Variants in CTDP1 observed in about 807,000 individuals in gnomAD.
CTDP1 encodes the protein CTD phosphatase 1, also known as RNA polymerase II subunit A C-terminal domain phosphatase.
CTDP1 carries 47 observed loss-of-function variants against 91.8 expected under a neutral mutation model. The ratio of observed to expected loss-of-function variants is 0.51; its 90% CI spans 0.41 to 0.65. The LOEUF (loss-of-function observed/expected upper bound fraction) is 0.65, where lower values mean the gene tolerates loss of function less well. CTDP1 is among the 30% of genes least tolerant of loss of function. CTDP1 has a pLI of 0.00. For missense variants in CTDP1, 1,272 were observed against 1,373.7 expected (o/e 0.93, Z 1.17); for synonymous variants, 656 against 598.5 (o/e 1.10, Z -1.40).
chr18:79,711,515 C>T (rs996749010), intron 6 of CTDP1, among the ~76,000 whole-genome samples: 6 of 152,122 alleles, frequency 3.9e-5, no homozygotes, highest in South Asian at 4.1e-4. Context: ...CGAAAGGACC[C>T]GAGTGGGCAG....
chr18:79,681,481 T>C, intron 1 of CTDP1: 1 of 985,434 alleles, frequency 1.0e-6, no homozygotes, highest in Non-Finnish European at 1.2e-6. Context: ...ATTCTGTTCC[T>C]CTGATTGTAC....
chr18:79,705,882 A>G (rs1192747839), intron 5 of CTDP1, among the ~76,000 whole-genome samples: 1 of 152,208 alleles, frequency 6.6e-6, no homozygotes, highest in Non-Finnish European at 1.5e-5. Flanking sequence ...TGAAATATTC[A>G]CCTGTAACAT....
intron 4 of CTDP1, among the ~76,000 whole-genome samples, chr18:79,704,299 C>G (rs1257495257): frequency 6.6e-6 from 1 of 152,196 alleles, no homozygotes; most frequent in African/African-American, 2.4e-5. Context: ...TGTGCACACT[C>G]CTATCCCCTG....
chr18:79,696,549 A>G (rs1364907659), intron 3 of CTDP1, among the ~76,000 whole-genome samples: 1 of 152,026 alleles, frequency 6.6e-6, no homozygotes, highest in Non-Finnish European at 1.5e-5. Flanking sequence ...GGTTGGTAGC[A>G]CCTTGTTGGC....
intron 12 of CTDP1, among the ~76,000 whole-genome samples, chr18:79,737,418 T>C (rs1190391261): frequency 1.3e-5 from 2 of 152,198 alleles, no homozygotes; most frequent in Admixed American, 6.5e-5. Context: ...ATTTATTTTT[T>C]AGTAAGGGGG....
At chr18:79,714,160 A>G (rs150429778) in intron 7 of CTDP1, among the ~76,000 whole-genome samples, 2 of 152,246 alleles carry the variant, frequency 1.3e-5, no homozygotes, top group African/African-American at 4.8e-5. Context: ...TCCTCCCCCA[A>G]ATCCAAAGCT....
intron 1 of CTDP1, among the ~76,000 whole-genome samples, chr18:79,685,763 C>T (rs2085481250): frequency 6.6e-6 from 1 of 152,128 alleles, no homozygotes; most frequent in South Asian, 2.1e-4. Context: ...AGTCAGTGCA[C>T]GAACGTCGTC....
intron 5 of CTDP1, among the ~76,000 whole-genome samples, chr18:79,706,666 T>G (rs943989932): frequency 2.6e-5 from 4 of 152,256 alleles, no homozygotes; most frequent in Non-Finnish European, 5.9e-5. Flanking sequence ...TCCATCACGT[T>G]GTTATAAATC....
At chr18:79,755,881 C>T, downstream of CTDP1, 1 of 152,708 alleles carries the variant, frequency 6.5e-6, no homozygotes, top group Non-Finnish European at 1.5e-5. Context: ...CTGCGCGGGG[C>T]CTGGTGACGG....
chr18:79,698,364 C>T (rs2085789427), intron 4 of CTDP1, among the ~76,000 whole-genome samples: 1 of 151,920 alleles, frequency 6.6e-6, no homozygotes, highest in Non-Finnish European at 1.5e-5. Context: ...GTGTTGGATG[C>T]CTTTATGTTG....
chr18:79,693,012 G>A (rs567775697), intron 1 of CTDP1, among the ~76,000 whole-genome samples: 2 of 152,344 alleles, frequency 1.3e-5, no homozygotes, highest in Non-Finnish European at 2.9e-5. Flanking sequence ...GAGCCCTGTG[G>A]ATGGACGAAA....
At chr18:79,711,824 T>C (rs981056393) in intron 6 of CTDP1, among the ~76,000 whole-genome samples, 1 of 152,222 alleles carries the variant, frequency 6.6e-6, no homozygotes, top group Non-Finnish European at 1.5e-5. Context: ...TTTTTAATAT[T>C]CTTTTATATG....
In CTDP1 at chr18:79,698,001, A is replaced by C; in HGVS notation, c.621+13A>C. ...GATGTCGAATAAAGTGAGTGCAGTC[A>C]GCATCTACGGACAGTTTCCCAGGAA... On this transcript the variant is annotated intron_variant, in intron 4 of 12. Transcript: ENST00000613122. 1 of 1,614,198 alleles carries C rather than the reference A, an allele frequency of 6.2e-7. No homozygotes were observed. The highest frequency in any genetic ancestry group is 8.5e-7 in the Non-Finnish European group (1 of 1,180,016).
chr18:79,677,363 G>C (rs2085267552), upstream of CTDP1: 1 of 152,312 alleles, frequency 6.6e-6, no homozygotes. Flanking sequence ...GGCTCAGAGA[G>C]ACTCCAGTGC....
intron 10 of CTDP1, among the ~76,000 whole-genome samples, chr18:79,719,047 C>T (rs948999143): frequency 2.6e-5 from 4 of 152,230 alleles, no homozygotes; most frequent in African/African-American, 9.6e-5. Flanking sequence ...AGGGCGTGGC[C>T]TTCGCACAGT....
chr18:79,739,892 G>C (rs1203229612), intron 12 of CTDP1, among the ~76,000 whole-genome samples: 2 of 52 alleles, frequency 0.038, no homozygotes, highest in Admixed American at 0.25. Flanking sequence ...TCATACCCAC[G>C]GCCGGGACGG....
At position 79,690,993 on chromosome 18, in the gene CTDP1, G is replaced by A. The variant is rs79553187; in HGVS notation, c.315-4232G>A. Among the ~76,000 whole-genome samples, 12 of 152,346 alleles carry A rather than the reference G, an allele frequency of 7.9e-5. 1 individual carries two copies. The East Asian group carries it at 2.3e-3, about 29-fold the overall frequency. ...TGCACTGGGCGCAGGTGCCCTTGGCGTCAGGAGCCGGCCTTGTCTCTGCCA... is the reference window on the plus strand; with the variant it reads ...TGCACTGGGCGCAGGTGCCCTTGGCATCAGGAGCCGGCCTTGTCTCTGCCA... On this transcript the variant is annotated intron_variant, in intron 1 of 12. Coordinates refer to ENST00000613122, the MANE Select transcript of CTDP1 (RefSeq NM_004715.5).
chr18:79,698,315 C>T (rs1163515762), intron 4 of CTDP1, among the ~76,000 whole-genome samples: 2 of 151,950 alleles, frequency 1.3e-5, no homozygotes, highest in Non-Finnish European at 2.9e-5. Context: ...TGGTGCGAGG[C>T]GTGTCCTGAG....
At position 79,715,252 on chromosome 18, in the gene CTDP1, G is replaced by C. The variant is rs1291507084; in HGVS notation, c.1792G>C (p.Val598Leu). ...CCTCATCTACCTGGAGGAGATCCTG[G>C]TCCGTGTACACACTGACTACTATGC... is the stretch of plus-strand genomic sequence containing the variant. Reference protein sequence around the residue: ...DHLIYLEEILVRVHTDYYAKY... With the variant: ...DHLIYLEEILLRVHTDYYAKY... Residue 598 changes from valine (V) to leucine (L), a missense_variant, in exon 8 of 13, where the codon GTC (valine) becomes CTC (leucine). Physicochemically the swap from Val to Leu is conservative, Grantham distance 32. Around this residue, in one of 3 missense-constraint regions of CTDP1, gnomAD observed 881 missense variants for 911.6 expected, o/e 0.97. Transcript: ENST00000613122. The C allele has an allele frequency of 1.9e-6, 3 of 1,610,730 alleles. No individual in the cohort carries two copies. The highest frequency in any genetic ancestry group is 2.5e-6 in the Non-Finnish European group (3 of 1,178,604).
Sources: gnomAD v4.1 joint callset for allele counts (sites outside exome capture counted in the v4.1 genomes callset) on GRCh38, gnomAD v4.1.1 for gene constraint, gnomAD v4.1.1 regional missense constraint, MANE v1.5 for transcripts, NCBI Gene and HGNC (gene_info 2026-07-23, HGNC 2026-07-21) for gene names.